SBF2: variants seen among roughly 807,000 people sequenced by gnomAD.
The protein encoded by SBF2 is myotubularin-related protein 13.
SBF2 carries 112 observed loss-of-function variants against 225.2 expected under a neutral mutation model. That is an observed-to-expected ratio of 0.50 (90% CI 0.43 to 0.58). The LOEUF (loss-of-function observed/expected upper bound fraction) is 0.58. SBF2 is among the 20% of genes least tolerant of loss of function. The probability of loss-of-function intolerance (pLI) is 0.00; values close to 1 mark genes in which losing one functional copy is unlikely to be tolerated. For synonymous variants in SBF2, 763 were observed against 773.3 expected, an observed-to-expected ratio of 0.99 and a Z score of 0.22; for missense variants, 1,996 against 2,206.2, an observed-to-expected ratio of 0.90 and a Z score of 1.91.
chr11:9,949,774 C>T (rs1325695241), intron 16 of SBF2, among the ~76,000 whole-genome samples: 2 of 152,002 alleles, frequency 1.3e-5, no homozygotes, highest in Non-Finnish European at 1.5e-5. Context: ...TCGAGATTCA[C>T]GTTTTATTAA....
At chr11:10,216,082 T>C (rs1199325648) in intron 1 of SBF2, among the ~76,000 whole-genome samples, 1 of 152,224 alleles carries the variant, frequency 6.6e-6, no homozygotes, top group Non-Finnish European at 1.5e-5. Context: ...TTTAGGAATG[T>C]TTCCTGACAC....
chr11:9,891,572 T>G (rs192220129), intron 17 of SBF2, among the ~76,000 whole-genome samples: 1 of 152,120 alleles, frequency 6.6e-6, no homozygotes, highest in Non-Finnish European at 1.5e-5. Flanking sequence ...AGCTAATAAA[T>G]TGAAATCGAA....
chr11:9,968,783 G>C (rs1296614303), intron 13 of SBF2, among the ~76,000 whole-genome samples: 1 of 152,180 alleles, frequency 6.6e-6, no homozygotes, highest in East Asian at 1.9e-4. Flanking sequence ...TTGGTTTCTA[G>C]GTCTTCTTGC....
chr11:9,972,772 C>T (rs1331690940), intron 13 of SBF2, among the ~76,000 whole-genome samples: 1 of 152,190 alleles, frequency 6.6e-6, no homozygotes, highest in Non-Finnish European at 1.5e-5. Context: ...TAAGCCACCA[C>T]GCCCAGCCCT....
chr11:10,091,853 G>A (rs1186368218), intron 2 of SBF2, among the ~76,000 whole-genome samples: 2 of 152,160 alleles, frequency 1.3e-5, no homozygotes, highest in African/African-American at 4.8e-5. Context: ...TGTCGGTTAT[G>A]ATGAAATGTT....
chr11:9,842,770 AC>A lies in SBF2; in HGVS notation c.3111-1del. 6.2e-7 allele frequency: 1 copy of A among 1,614,042 alleles called. No individual in the cohort carries two copies. The highest frequency in any genetic ancestry group is 1.3e-5 in the African/African-American group (1 of 75,056). On this transcript the variant is annotated splice_acceptor_variant, in intron 24 of 39. Coordinates refer to ENST00000256190, the MANE Select transcript of SBF2 (RefSeq NM_030962.4). LOFTEE classifies it high-confidence loss of function. ...CTTTCACAATTGTTTTTGAGAAGGTACTACAAGTCATAAAACCAAAGAGAAT... is the reference window on the plus strand; with the variant it reads ...CTTTCACAATTGTTTTTGAGAAGGTATACAAGTCATAAAACCAAAGAGAAT...
At chr11:10,010,326 T>A (rs1948391886) in intron 6 of SBF2, among the ~76,000 whole-genome samples, 1 of 152,020 alleles carries the variant, frequency 6.6e-6, no homozygotes, top group Non-Finnish European at 1.5e-5. Context: ...CATGCCTATG[T>A]ATTGGTATTG....
chr11:9,874,984 G>T (rs1859098714), intron 17 of SBF2, among the ~76,000 whole-genome samples: 1 of 152,188 alleles, frequency 6.6e-6, no homozygotes, highest in Admixed American at 6.5e-5. Flanking sequence ...TTTATTTATT[G>T]AGGAGAAATA....
chr11:10,294,754 G>C (rs955573931), upstream of SBF2, among the ~76,000 whole-genome samples: 1 of 152,332 alleles, frequency 6.6e-6, no homozygotes, highest in East Asian at 1.9e-4. Flanking sequence ...ATGCCGGGTG[G>C]GCCGGGGGCG....
chr11:10,032,545 T>G (rs1949298218), intron 3 of SBF2, among the ~76,000 whole-genome samples: 1 of 152,232 alleles, frequency 6.6e-6, no homozygotes, highest in African/African-American at 2.4e-5. Context: ...AAGTTTTCAT[T>G]CAAGCATCTT....
rs560418410 is a variant in SBF2 at position 10,230,163 on chromosome 11, T to A, written c.56-36176A>T. On this transcript the variant is annotated intron_variant, in intron 1 of 39. Transcript: ENST00000256190. ...CTGCCTTTTTTTGTTTTCCGTTTGC[T>A]TGGTAGATCTTCCATCCCTTTATTT... is the stretch of plus-strand genomic sequence containing the variant. Among the ~76,000 whole-genome samples the A allele has an allele frequency of 4.6e-5, 7 of 152,318 alleles. No homozygotes were observed. The South Asian group carries it at 1.4e-3, about 32-fold the overall frequency.
intron 16 of SBF2, chr11:9,958,955 G>A: frequency 1.1e-5 from 8 of 711,428 alleles, no homozygotes; most frequent in South Asian, 8.4e-5. Flanking sequence ...ATGGGAATGT[G>A]GATGTGGTAC....
intron 2 of SBF2, among the ~76,000 whole-genome samples, chr11:10,169,841 T>A (rs1047456641): frequency 6.6e-6 from 1 of 152,316 alleles, no homozygotes. Flanking sequence ...TGCCAGCATT[T>A]GTTGTTACCT....
chr11:10,056,638 T>C (rs533921161), intron 2 of SBF2, among the ~76,000 whole-genome samples: 2 of 152,312 alleles, frequency 1.3e-5, no homozygotes, highest in East Asian at 3.9e-4. Flanking sequence ...AAGAAGCAGT[T>C]CTAACAAAAA....
chr11:9,873,120 C>A (rs919154473), intron 17 of SBF2, among the ~76,000 whole-genome samples: 2 of 145,696 alleles, frequency 1.4e-5, no homozygotes, highest in African/African-American at 5.1e-5. Flanking sequence ...GCAGGAGAAT[C>A]GCTTGAACCC....
intron 2 of SBF2, among the ~76,000 whole-genome samples, chr11:10,191,685 T>C (rs190725901): frequency 9.7e-4 from 148 of 152,304 alleles, no homozygotes; most frequent in Middle Eastern, 3.4e-3. Flanking sequence ...CACCTCCATT[T>C]CACTATTCTA....
chr11:10,173,487 C>T (rs1198774584), intron 2 of SBF2, among the ~76,000 whole-genome samples: 1 of 152,240 alleles, frequency 6.6e-6, no homozygotes, highest in East Asian at 1.9e-4. Flanking sequence ...AGATTATATC[C>T]CCCACCTGGC....
intron 2 of SBF2, among the ~76,000 whole-genome samples, chr11:10,191,491 A>G (rs1957168555): frequency 6.6e-6 from 1 of 152,230 alleles, no homozygotes; most frequent in Non-Finnish European, 1.5e-5. Flanking sequence ...CATAGACATT[A>G]AAGAATTGAA....
At chr11:9,969,240 C>T (rs1175267672) in intron 13 of SBF2, among the ~76,000 whole-genome samples, 1 of 152,202 alleles carries the variant, frequency 6.6e-6, no homozygotes, top group Non-Finnish European at 1.5e-5. Context: ...AAAATGTTTA[C>T]AACTTGGCCA....
Sources: gnomAD v4.1 joint callset for allele counts (sites outside exome capture counted in the v4.1 genomes callset) on GRCh38, gnomAD v4.1.1 for gene constraint, MANE v1.5 for transcripts, NCBI Gene and HGNC (gene_info 2026-07-23, HGNC 2026-07-21) for gene names.